The following FGF13 variants were observed in gnomAD, a reference collection of about 807,000 sequenced individuals.
FGF13 encodes fibroblast growth factor 13.
A neutral mutation model predicts 19.5 loss-of-function variants in FGF13; 2 were observed. The ratio of observed to expected loss-of-function variants is 0.10; its 90% CI spans 0.04 to 0.32. FGF13 has a LOEUF of 0.32. Ranked by LOEUF, FGF13 falls within the 10% of genes least tolerant of loss-of-function variation. FGF13 has a pLI of 1.00. For synonymous variants in FGF13, 72 were observed against 76.9 expected (o/e 0.94, Z 0.33); for missense variants, 113 against 192.7 (o/e 0.59, Z 2.45).
intron 1 of FGF13, among the ~76,000 whole-genome samples, chrX:139,104,291 T>C (rs1174951683): frequency 9.1e-6 from 1 of 110,156 alleles, no homozygotes; most frequent in East Asian, 2.9e-4. Flanking sequence ...GGCTGGGACT[T>C]CTTGTCATTG....
chrX:138,813,821 T>C (rs181333024), intron 3 of FGF13, among the ~76,000 whole-genome samples: 173 of 111,767 alleles, frequency 1.5e-3, no homozygotes, highest in African/African-American at 5.4e-3. Flanking sequence ...TCATCTCTTA[T>C]GAGTATTCTC....
In FGF13 at chrX:138,905,532, G is replaced by A. The variant is rs146418208; in HGVS notation, c.-112-40882C>T. On this transcript the variant is annotated intron_variant, in intron 1 of 2. Transcript: ENST00000421460. ...GGACCTTGACAACTTTTGGATGCAC[G>A]TATAAATGAATATGCACTGCCCTAG... is the stretch of plus-strand genomic sequence containing the variant. 2.5e-3 allele frequency among the ~76,000 whole-genome samples: 284 copies of A among 111,868 alleles called. 1 individual carries two copies. The highest frequency in any genetic ancestry group is 8.9e-3 in the African/African-American group (275 of 30,787).
chrX:139,162,280 A>G (rs2084041352), intron 1 of FGF13, among the ~76,000 whole-genome samples: 1 of 112,345 alleles, frequency 8.9e-6, no homozygotes, highest in South Asian at 3.7e-4. Context: ...CAAACCTGAC[A>G]AAAACAAGCA....
rs2089875912 is a variant in FGF13 at position 138,694,678 on chromosome X, G to A, written c.402+8306C>T. Among the ~76,000 whole-genome samples the A allele has an allele frequency of 4.7e-5, 5 of 106,915 alleles. No homozygotes were observed. The Admixed American group carries it at 5.1e-4, about 11-fold the overall frequency. 92.8% of individuals were successfully genotyped at this position (106,915 alleles called of 115,157 possible). ...TTATCAGTAGAGACAAGGTTTCACC[G>A]TGTTAGCCAGGATGGTCTCGATCTC... On this transcript the variant is annotated intron_variant, in intron 3 of 4. Coordinates refer to ENST00000315930, the MANE Select transcript of FGF13 (RefSeq NM_004114.5).
chrX:138,883,870 C>T, intron 1 of FGF13, among the ~76,000 whole-genome samples: 1 of 111,713 alleles, frequency 9.0e-6, no homozygotes, highest in Admixed American at 9.5e-5. Context: ...TTGGCATCCC[C>T]ACACAAAGAA....
intron 1 of FGF13, among the ~76,000 whole-genome samples, chrX:138,873,622 T>C (rs920341550): frequency 2.1e-4 from 23 of 111,068 alleles, no homozygotes; most frequent in African/African-American, 6.6e-4. Context: ...TGTCAGTGAG[T>C]CTCTCCTGAC....
At chrX:139,026,329 T>C (rs1327113574) in intron 1 of FGF13, among the ~76,000 whole-genome samples, 2 of 111,640 alleles carry the variant, frequency 1.8e-5, no homozygotes, top group Non-Finnish European at 1.9e-5. Flanking sequence ...AAAATAAAAA[T>C]ATCAACTTAT....
chrX:138,956,956 G>A (rs1397111234), intron 1 of FGF13, among the ~76,000 whole-genome samples: 1 of 111,605 alleles, frequency 9.0e-6, no homozygotes, highest in African/African-American at 3.3e-5. Flanking sequence ...AGATTATCAA[G>A]AGTCAATGAT....
At position 138,868,436 on chromosome X, in the gene FGF13, T is replaced by C. The variant is rs539717304; in HGVS notation, c.-112-3786A>G. 2.7e-5 allele frequency among the ~76,000 whole-genome samples: 3 copies of C among 110,910 alleles called. No homozygotes were observed. In the South Asian group the frequency reaches 1.1e-3, roughly 42 times the overall value. ...TGAGGCTGGACATATGTCTTTGACA[T>C]TAGTAACAATTAGTAGAGAAACTCC... On this transcript the variant is annotated intron_variant, in intron 1 of 2. Transcript: ENST00000421460.
In FGF13 at chrX:139,073,132, T is replaced by C. The variant is rs144377663; in HGVS notation, c.-113+130284A>G. Among the ~76,000 whole-genome samples the C allele has an allele frequency of 1.3e-4, 13 of 99,853 alleles. No individual in the cohort carries two copies. In the East Asian group the frequency reaches 3.0e-3, roughly 23 times the overall value. 86.7% of individuals were successfully genotyped at this position (99,853 alleles called of 115,157 possible). A position where few individuals can be genotyped will look rare whatever the true frequency, so the allele number is the denominator to read the frequency against. ...TATTTTTTCTAGTTTGGAGCTGTTT[T>C]TCCCCCCCCCCTTTTCTGTGTCTCA... On this transcript the variant is annotated intron_variant, in intron 1 of 2. Transcript: ENST00000421460.
chrX:138,906,811 G>A (rs909987396), intron 1 of FGF13, among the ~76,000 whole-genome samples: 8 of 110,877 alleles, frequency 7.2e-5, no homozygotes, highest in Non-Finnish European at 1.1e-4. Context: ...TTTCCCCAGC[G>A]TTCATGTTTT....
At chrX:138,837,119 G>A (rs1300075845) in intron 3 of FGF13, among the ~76,000 whole-genome samples, 1 of 112,454 alleles carries the variant, frequency 8.9e-6, no homozygotes, top group African/African-American at 3.2e-5. Flanking sequence ...GGCAATCCCA[G>A]TTGGGTGGTC....
intron 1 of FGF13, among the ~76,000 whole-genome samples, chrX:139,157,816 G>A (rs753113010): frequency 8.9e-6 from 1 of 112,603 alleles, no homozygotes; most frequent in Non-Finnish European, 1.9e-5. Context: ...TGTGGCTGTC[G>A]GGGTGGCCGA....
intron 1 of FGF13, among the ~76,000 whole-genome samples, chrX:139,198,916 A>G (rs1264510637): frequency 8.9e-6 from 1 of 112,503 alleles, no homozygotes; most frequent in Admixed American, 9.4e-5. Context: ...TGTTTCATCA[A>G]TATATGACAT....
chrX:138,984,901 T>A, intron 1 of FGF13: 1 of 276,569 alleles, frequency 3.6e-6, no homozygotes, highest in Non-Finnish European at 7.0e-6. Context: ...CTCATTAAAA[T>A]GAAAATACAA....
chrX:139,141,524 C>G (rs2083845253), intron 1 of FGF13, among the ~76,000 whole-genome samples: 1 of 111,839 alleles, frequency 8.9e-6, no homozygotes, highest in African/African-American at 3.2e-5. Context: ...TGCTCCAGCC[C>G]TGCTGAATTT....
At chrX:138,660,253 T>C (rs2089477867) in intron 3 of FGF13, among the ~76,000 whole-genome samples, 1 of 111,558 alleles carries the variant, frequency 9.0e-6, no homozygotes. Context: ...TCCAATTTAA[T>C]CTGTAAAAGG....
chrX:139,142,944 T>C (rs770784999), intron 1 of FGF13, among the ~76,000 whole-genome samples: 2 of 111,701 alleles, frequency 1.8e-5, no homozygotes, highest in African/African-American at 3.3e-5. Flanking sequence ...CATCCACATA[T>C]CACAAAAAGA....
intron 3 of FGF13, among the ~76,000 whole-genome samples, chrX:138,655,219 C>T (rs1289242885): frequency 1.8e-5 from 2 of 111,476 alleles, no homozygotes; most frequent in African/African-American, 3.3e-5. Context: ...TGGGAGTGGC[C>T]GTATCATAGA....
Sources: gnomAD v4.1 joint callset for allele counts (sites outside exome capture counted in the v4.1 genomes callset) on GRCh38, gnomAD v4.1.1 for gene constraint, MANE v1.5 for transcripts, NCBI Gene and HGNC (gene_info 2026-07-23, HGNC 2026-07-21) for gene names.